Variants in LRP1B observed in about 807,000 individuals in gnomAD.
The protein encoded by LRP1B is low-density lipoprotein receptor-related protein 1B.
In LRP1B, 217 loss-of-function variants were observed where a neutral mutation model predicts 556.6. The ratio of observed to expected loss-of-function variants is 0.39; its 90% CI spans 0.35 to 0.44. The LOEUF is 0.44. Among genes scored for constraint, LRP1B ranks in the 20% least tolerant of loss-of-function variants. The pLI is 1.00. For missense variants in LRP1B, 5,053 were observed against 5,620.8 expected (o/e 0.90, Z 3.23); for synonymous variants, 2,047 against 1,865.8 (o/e 1.10, Z -2.50).
intron 3 of LRP1B, among the ~76,000 whole-genome samples, chr2:141,408,411 TG>T (rs1690720164): frequency 6.6e-6 from 1 of 152,112 alleles, no homozygotes; most frequent in Non-Finnish European, 1.5e-5. Context: ...CCCAAAGTGC[TG>T]GGATTACAGG....
intron 66 of LRP1B, among the ~76,000 whole-genome samples, chr2:140,401,518 C>A (rs1254028077): frequency 6.6e-6 from 1 of 152,184 alleles, no homozygotes; most frequent in East Asian, 1.9e-4. Context: ...GCTTGCCCCA[C>A]AAATGGAGAG....
chr2:142,096,919 A>G (rs1337124067), intron 1 of LRP1B, among the ~76,000 whole-genome samples: 1 of 151,474 alleles, frequency 6.6e-6, no homozygotes, highest in Non-Finnish European at 1.5e-5. Context: ...TGACATCTTC[A>G]TGACCATGAG....
chr2:140,524,074 G>A (rs547959233), intron 49 of LRP1B, among the ~76,000 whole-genome samples: 1 of 151,536 alleles, frequency 6.6e-6, no homozygotes, highest in East Asian at 1.9e-4. Context: ...CTATGTATCT[G>A]GCAAAGAAAA....
intron 2 of LRP1B, among the ~76,000 whole-genome samples, chr2:141,544,378 T>TCTTCTTCTTCTC (rs1559131523): frequency 9.0e-6 from 1 of 111,136 alleles, no homozygotes; most frequent in Non-Finnish European, 1.9e-5. Context: ...TTCTTCTTCT[T>TCTTCTTCTTCTC]CTTCTCCTCC....
intron 2 of LRP1B, among the ~76,000 whole-genome samples, chr2:141,530,032 C>T (rs1012021424): frequency 3.3e-5 from 5 of 152,028 alleles, no homozygotes; most frequent in South Asian, 4.1e-4. Context: ...TTATTGTGAA[C>T]GATTAAGGTG....
At chr2:141,753,817 T>C (rs1694223505) in intron 2 of LRP1B, among the ~76,000 whole-genome samples, 1 of 152,184 alleles carries the variant, frequency 6.6e-6, no homozygotes, top group African/African-American at 2.4e-5. Flanking sequence ...CATAGTACTT[T>C]TCCTTAAATA....
At chr2:141,101,275 C>T (rs1475190938) in intron 7 of LRP1B, among the ~76,000 whole-genome samples, 1 of 152,144 alleles carries the variant, frequency 6.6e-6, no homozygotes, top group East Asian at 1.9e-4. Context: ...ACCATGCTTT[C>T]CTTGTCTCCC....
rs1192374483 is a variant in LRP1B, at chr2:140,902,543, G to C, written c.3766+377C>G. ...AGTGGTTAGAAGATGAACACAGCCA[G>C]AGCAAGAAATTGTTTTCAAGAGCAT... On this transcript the variant is annotated intron_variant, in intron 23 of 90. Coordinates refer to ENST00000389484, the MANE Select transcript of LRP1B (RefSeq NM_018557.3). 2.0e-5 allele frequency among the ~76,000 whole-genome samples: 3 copies of C among 152,228 alleles called. No homozygotes were observed. In the East Asian group the frequency reaches 5.8e-4, roughly 30 times the overall value.
At chr2:141,331,541 T>TTTCTTTCTTTCTTTCC in intron 3 of LRP1B, among the ~76,000 whole-genome samples, 1 of 144,756 alleles carries the variant, frequency 6.9e-6, no homozygotes. Flanking sequence ...TCTTTCTTTC[T>TTTCTTTCTTTCTTTCC]TTCTTTCTTT....
chr2:140,840,729 G>A (rs1692074916), intron 30 of LRP1B, among the ~76,000 whole-genome samples, 189 bp downstream of exon 30: 1 of 151,964 alleles, frequency 6.6e-6, no homozygotes, highest in South Asian at 2.1e-4. Flanking sequence ...TGTTGGTGTA[G>A]GATATATATA....
intron 41 of LRP1B, among the ~76,000 whole-genome samples, chr2:140,689,574 TCC>T (rs1253109808): frequency 6.6e-6 from 1 of 152,162 alleles, no homozygotes; most frequent in African/African-American, 2.4e-5. Flanking sequence ...AACCTCAGTA[TCC>T]CCAGCCTCCT....
At chr2:141,019,825 A>C (rs774110181) in intron 12 of LRP1B, 97 bp downstream of exon 12, 1 of 905,794 alleles carries the variant, frequency 1.1e-6, no homozygotes, top group African/African-American at 1.7e-5. Context: ...AAAATCAGCT[A>C]TACATATGGA....
chr2:140,886,918 G>T (rs1693654503), intron 23 of LRP1B, among the ~76,000 whole-genome samples: 1 of 152,076 alleles, frequency 6.6e-6, no homozygotes, highest in South Asian at 2.1e-4. Context: ...AAACAGGCCT[G>T]GGTAGGGAGA....
In LRP1B at chr2:140,700,648, G is replaced by A. The variant is rs779187959; in HGVS notation, c.6428-27C>T. The A allele has an allele frequency of 4.4e-6, 7 of 1,600,200 alleles. No individual in the cohort carries two copies. In the South Asian group the frequency reaches 4.6e-5, roughly 10 times the overall value. On this transcript the variant is annotated intron_variant, in intron 40 of 90. Transcript: ENST00000389484. ...TAATGAAGAAAAATGATACACACAT[G>A]CACATGTTTATGTTTTTCTTTTGTT... is the stretch of plus-strand genomic sequence containing the variant.
At chr2:142,086,480 C>T (rs933570050) in intron 1 of LRP1B, among the ~76,000 whole-genome samples, 34 of 152,218 alleles carry the variant, frequency 2.2e-4, no homozygotes, top group African/African-American at 8.2e-4. Flanking sequence ...TGGCGGGCGC[C>T]TGTAGTCCCA....
intron 3 of LRP1B, among the ~76,000 whole-genome samples, chr2:141,464,468 A>G (rs1425775304): frequency 2.7e-5 from 4 of 149,864 alleles, no homozygotes; most frequent in Non-Finnish European, 5.9e-5. Context: ...GCTGGAGTGC[A>G]GTGGCATGAT....
intron 1 of LRP1B, among the ~76,000 whole-genome samples, chr2:142,044,785 A>G (rs1365157118): frequency 9.6e-6 from 1 of 103,696 alleles, no homozygotes; most frequent in Non-Finnish European, 2.2e-5. Context: ...CGCAATTAAC[A>G]TGAAAATTAA....
intron 75 of LRP1B, among the ~76,000 whole-genome samples, chr2:140,354,571 G>A (rs763281971): frequency 2.6e-5 from 4 of 152,056 alleles, no homozygotes; most frequent in East Asian, 1.9e-4. Context: ...ACTTTGAACC[G>A]GCAGTTATTT....
intron 2 of LRP1B, among the ~76,000 whole-genome samples, chr2:141,658,832 C>A (rs1424729735): frequency 6.6e-6 from 1 of 152,026 alleles, no homozygotes; most frequent in Non-Finnish European, 1.5e-5. Flanking sequence ...TGAATTGGAA[C>A]CTGGGTGAAG....
Sources: allele counts gnomAD v4.1 joint callset (sites outside exome capture counted in the v4.1 genomes callset), GRCh38; gene constraint gnomAD v4.1.1; transcripts MANE v1.5; gene names NCBI Gene and HGNC (gene_info 2026-07-23, HGNC 2026-07-21).